The following ZNF362 variants were observed in gnomAD, a reference collection of about 807,000 sequenced individuals.
The protein encoded by ZNF362 is zinc finger protein 362.
Under a neutral mutation model 42.9 loss-of-function variants are expected in ZNF362, and 11 were observed. The observed-to-expected ratio is 0.26, with a 90% CI of 0.16 to 0.42. The LOEUF is 0.42. ZNF362 is among the 20% of genes least tolerant of loss of function. ZNF362 has a pLI of 1.00. For missense variants in ZNF362, 362 were observed against 576.2 expected, an observed-to-expected ratio of 0.63 and a Z score of 3.81; for synonymous variants, 255 against 257.3, an observed-to-expected ratio of 0.99 and a Z score of 0.09.
the ZNF362 span, among the ~76,000 whole-genome samples, chr1:33,191,503 T>G: frequency 7.4e-6 from 1 of 135,158 alleles, no homozygotes; most frequent in Admixed American, 7.4e-5. Flanking sequence ...TTTGTTTTTG[T>G]TTTTGTTTTT....
chr1:33,295,737 C>G (rs1470408924), intron 8 of ZNF362, among the ~76,000 whole-genome samples: 1 of 152,240 alleles, frequency 6.6e-6, no homozygotes, highest in South Asian at 2.1e-4. Flanking sequence ...AAGCTCAGAG[C>G]ATTCAGCTCC....
chr1:33,240,548 C>T, the ZNF362 span, among the ~76,000 whole-genome samples: 1 of 152,232 alleles, frequency 6.6e-6, no homozygotes, highest in South Asian at 2.1e-4. Flanking sequence ...CTTATCTTTT[C>T]GTAAATGTTA....
intron 1 of ZNF362, among the ~76,000 whole-genome samples, chr1:33,263,298 C>G (rs750069083): frequency 7.2e-5 from 11 of 152,172 alleles, no homozygotes; most frequent in Non-Finnish European, 1.5e-4. Flanking sequence ...TGAGCATTTA[C>G]TATATCCAGG....
chr1:33,196,118 A>G, the ZNF362 span: 1 of 152,106 alleles, frequency 6.6e-6, no homozygotes, highest in East Asian at 1.9e-4. Context: ...AGTGGTCCAC[A>G]CCTGTAATCC....
chr1:33,209,034 A>G, the ZNF362 span, among the ~76,000 whole-genome samples: 1 of 152,148 alleles, frequency 6.6e-6, no homozygotes, highest in South Asian at 2.1e-4. Flanking sequence ...GTTTTTGCCC[A>G]TTCAGTATAT....
chr1:33,271,789 G>A (rs902694989), intron 2 of ZNF362, among the ~76,000 whole-genome samples: 2 of 152,098 alleles, frequency 1.3e-5, no homozygotes, highest in African/African-American at 4.8e-5. Flanking sequence ...GGGCAGATGT[G>A]CGGTAGATCA....
At chr1:33,214,795 G>A in the ZNF362 span, among the ~76,000 whole-genome samples, 1 of 152,280 alleles carries the variant, frequency 6.6e-6, no homozygotes, top group Non-Finnish European at 1.5e-5. Context: ...ACTACAATGA[G>A]ATATCATCTC....
At chr1:33,256,328 G>A (rs982482600), upstream of ZNF362, among the ~76,000 whole-genome samples, 10 of 143,682 alleles carry the variant, frequency 7.0e-5, no homozygotes, top group Non-Finnish European at 1.5e-4. Context: ...GGGAGCCCCC[G>A]GGGCCGGACG....
chr1:33,182,672 AAGTAAT>A, the ZNF362 span, among the ~76,000 whole-genome samples: 1 of 150,788 alleles, frequency 6.6e-6, no homozygotes, highest in African/African-American at 2.5e-5. Context: ...GAGGGAGAAA[AAGTAAT>A]AGGAGAACTT....
At chr1:33,215,773 T>C in the ZNF362 span, among the ~76,000 whole-genome samples, 5 of 152,116 alleles carry the variant, frequency 3.3e-5, no homozygotes, top group Admixed American at 3.3e-4. Context: ...AAATAAATTT[T>C]GAAATTGAGC....
the ZNF362 span, among the ~76,000 whole-genome samples, chr1:33,137,996 T>C: frequency 6.6e-6 from 1 of 152,084 alleles, no homozygotes; most frequent in Non-Finnish European, 1.5e-5. Flanking sequence ...TTCTACTTAC[T>C]GCACCGGTAG....
the ZNF362 span, among the ~76,000 whole-genome samples, chr1:33,151,400 G>A: frequency 3.3e-5 from 5 of 152,114 alleles, no homozygotes; most frequent in African/African-American, 1.2e-4. Context: ...CCTGGCTGAA[G>A]CCACCTCCAA....
chr1:33,159,675 G>A, the ZNF362 span: 1,520 of 1,596,488 alleles, frequency 9.5e-4, 18 homozygotes, highest in Admixed American at 0.019. This position sits in a 1 kb window ranked among gnomAD's most constrained non-coding sequence, Gnocchi z 4.2. Context: ...GGGCCCCGGC[G>A]GGTGGCACTT....
At chr1:33,254,267 C>A (rs1253139622), upstream of ZNF362, among the ~76,000 whole-genome samples, 2 of 152,092 alleles carry the variant, frequency 1.3e-5, no homozygotes, top group Non-Finnish European at 2.9e-5. Context: ...GCTGAGACTA[C>A]AGGCACGTGC....
chr1:33,190,906 G>A, the ZNF362 span, among the ~76,000 whole-genome samples: 1 of 152,160 alleles, frequency 6.6e-6, no homozygotes, highest in Non-Finnish European at 1.5e-5. Context: ...CCCTAGCAAC[G>A]CTTCTTCACC....
At chr1:33,190,526 C>T in the ZNF362 span, among the ~76,000 whole-genome samples, 1 of 152,216 alleles carries the variant, frequency 6.6e-6, no homozygotes, top group South Asian at 2.1e-4. Context: ...TTCTTTATTG[C>T]TCCAGTGAAG....
At chr1:33,136,451 C>T in the ZNF362 span, among the ~76,000 whole-genome samples, 2 of 151,848 alleles carry the variant, frequency 1.3e-5, no homozygotes, top group Middle Eastern at 3.2e-3. Context: ...TCACTGCAAT[C>T]TCTGCCTCCC....
chr1:33,250,828 AAAAG>A, the ZNF362 span, among the ~76,000 whole-genome samples: 1 of 146,174 alleles, frequency 6.8e-6, no homozygotes, highest in Non-Finnish European at 1.5e-5. Context: ...AGAGAAGAAG[AAAAG>A]AAGAAGAAAG....
the ZNF362 span, among the ~76,000 whole-genome samples, chr1:33,231,913 A>T: frequency 6.6e-6 from 1 of 152,152 alleles, no homozygotes; most frequent in African/African-American, 2.4e-5. Flanking sequence ...GCCTAAGCCC[A>T]TCAGTAGGTG....
Sources: gnomAD v4.1 joint callset for allele counts (sites outside exome capture counted in the v4.1 genomes callset) on GRCh38, gnomAD v4.1.1 for gene constraint, Gnocchi (gnomAD v3.1) non-coding constraint, MANE v1.5 for transcripts, NCBI Gene and HGNC (gene_info 2026-07-23, HGNC 2026-07-21) for gene names.